The following MARCHF1 variants were observed in gnomAD, a reference collection of about 807,000 sequenced individuals.
MARCHF1 encodes E3 ubiquitin-protein ligase MARCHF1.
MARCHF1 carries 40 observed loss-of-function variants against 54.2 expected under a neutral mutation model. That is an observed-to-expected ratio of 0.74 (90% CI 0.57 to 0.96). The LOEUF (loss-of-function observed/expected upper bound fraction) is 0.96, where lower values mean the gene tolerates loss of function less well. Ranked by LOEUF, MARCHF1 falls within the 40% of genes least tolerant of loss-of-function variation. The probability of loss-of-function intolerance (pLI) is 0.00; values close to 1 mark genes in which losing one functional copy is unlikely to be tolerated. For synonymous variants in MARCHF1, 236 were observed against 236.3 expected, an observed-to-expected ratio of 1.00 and a Z score of 0.01; for missense variants, 586 against 656.5, an observed-to-expected ratio of 0.89 and a Z score of 1.17.
intron 1 of MARCHF1, among the ~76,000 whole-genome samples, chr4:164,379,158 G>A (rs775855788): frequency 5.0e-4 from 76 of 152,108 alleles, no homozygotes; most frequent in South Asian, 1.9e-3. Flanking sequence ...AAGAAAAGAT[G>A]GAGAAAACAG....
intron 3 of MARCHF1, among the ~76,000 whole-genome samples, chr4:163,904,693 C>T (rs953059722): frequency 6.6e-6 from 1 of 152,020 alleles, no homozygotes; most frequent in Admixed American, 6.6e-5. Context: ...ATGAATAGGT[C>T]CCACTCTCTA....
chr4:164,119,839 T>C (rs1055668907), intron 1 of MARCHF1, among the ~76,000 whole-genome samples: 1 of 151,698 alleles, frequency 6.6e-6, no homozygotes, highest in Non-Finnish European at 1.5e-5. Context: ...AAAAAGAAAA[T>C]ATAAAAAGTT....
At chr4:163,721,831 T>C (rs1339575058) in intron 4 of MARCHF1, among the ~76,000 whole-genome samples, 1 of 152,148 alleles carries the variant, frequency 6.6e-6, no homozygotes, top group Non-Finnish European at 1.5e-5. Context: ...GTGTTTGTGG[T>C]ATTCTCTGAC....
rs549385876 is a variant in MARCHF1 at position 164,283,747 on chromosome 4, C to T, written c.-323+100123G>A. Among the ~76,000 whole-genome samples the T allele has an allele frequency of 1.4e-4, 21 of 150,878 alleles. 1 individual carries two copies. The highest frequency in any genetic ancestry group is 4.4e-4 in the African/African-American group (18 of 41,172). The stretch of plus-strand genomic sequence containing the variant: ...TACCAACAGAGTCATTAAACAATCT[C>T]GCCAAAGAAAAACCAAGATAGTAGA... On this transcript the variant is annotated intron_variant, in intron 1 of 9. Coordinates refer to ENST00000514618, the MANE Select transcript of MARCHF1 (RefSeq NM_001394959.1).
intron 1 of MARCHF1, among the ~76,000 whole-genome samples, chr4:164,245,663 C>T (rs1732926648): frequency 1.3e-5 from 2 of 151,818 alleles, no homozygotes; most frequent in Non-Finnish European, 2.9e-5. Context: ...TCAAATTGTC[C>T]CTCTTTGCAG....
At chr4:164,039,631 C>T (rs1227300743) in intron 2 of MARCHF1, among the ~76,000 whole-genome samples, 1 of 151,980 alleles carries the variant, frequency 6.6e-6, no homozygotes, top group Non-Finnish European at 1.5e-5. Flanking sequence ...CCATTATTCA[C>T]TAGAAAGACA....
chr4:163,727,847 G>A (rs182986953), intron 4 of MARCHF1, among the ~76,000 whole-genome samples: 1 of 151,560 alleles, frequency 6.6e-6, no homozygotes, highest in Admixed American at 6.6e-5. Flanking sequence ...TATTTTTATT[G>A]TTTTATTTTT....
chr4:163,920,255 C>A (rs1013768775), intron 3 of MARCHF1, among the ~76,000 whole-genome samples: 4 of 152,228 alleles, frequency 2.6e-5, no homozygotes, highest in Admixed American at 6.5e-5. Context: ...ATCCCCTATT[C>A]CAGCTGGAAA....
chr4:164,351,723 C>T (rs935232308), intron 1 of MARCHF1, among the ~76,000 whole-genome samples: 33 of 152,160 alleles, frequency 2.2e-4, no homozygotes, highest in African/African-American at 6.3e-4. Context: ...TCCAAAGGAA[C>T]GCAGTTTCTC....
At chr4:164,043,546 T>G (rs939722976) in intron 2 of MARCHF1, among the ~76,000 whole-genome samples, 1 of 152,118 alleles carries the variant, frequency 6.6e-6, no homozygotes, top group Non-Finnish European at 1.5e-5. Flanking sequence ...TTCCTAGGCC[T>G]CTAAATCTGT....
At chr4:164,374,473 T>C (rs776693227) in intron 1 of MARCHF1, among the ~76,000 whole-genome samples, 2 of 152,162 alleles carry the variant, frequency 1.3e-5, no homozygotes, top group Non-Finnish European at 2.9e-5. Context: ...GGGTAATGTA[T>C]GTTTCAAAAA....
chr4:164,047,126 C>T (rs77112497), intron 2 of MARCHF1, among the ~76,000 whole-genome samples: 17,615 of 152,148 alleles, frequency 0.12, 1,228 homozygotes, highest in Middle Eastern at 0.19. Flanking sequence ...TTCTAAAACA[C>T]TGTTTTGATC....
chr4:163,887,384 C>T (rs188678849), intron 3 of MARCHF1, among the ~76,000 whole-genome samples: 172 of 152,040 alleles, frequency 1.1e-3, no homozygotes, highest in African/African-American at 4.0e-3. Flanking sequence ...AGTAAATGTC[C>T]TGAACTGGCA....
At chr4:163,861,277 G>A (rs983657803) in intron 3 of MARCHF1, among the ~76,000 whole-genome samples, 2 of 152,086 alleles carry the variant, frequency 1.3e-5, no homozygotes, top group Admixed American at 6.6e-5. Flanking sequence ...ACAAAGAATG[G>A]AGAAAAGAAA....
chr4:164,109,933 A>AAAAAAAAAAAAAAAAAAAT (rs1755798807), intron 2 of MARCHF1, among the ~76,000 whole-genome samples: 1 of 149,980 alleles, frequency 6.7e-6, no homozygotes, highest in Non-Finnish European at 1.5e-5. Flanking sequence ...AAAAAAAAAA[A>AAAAAAAAAAAAAAAAAAAT]AAAGAAAATG....
At chr4:163,977,828 C>A (rs1427071693) in intron 3 of MARCHF1, among the ~76,000 whole-genome samples, 1 of 152,152 alleles carries the variant, frequency 6.6e-6, no homozygotes. Flanking sequence ...TAAATATAAA[C>A]TTTCAACGAA....
chr4:164,141,963 C>CGCAGGTCAGTGGGTGGGT (rs1560923736), intron 1 of MARCHF1, among the ~76,000 whole-genome samples: 1 of 152,046 alleles, frequency 6.6e-6, no homozygotes, highest in East Asian at 1.9e-4. Context: ...AGTGGGTGGG[C>CGCAGGTCAGTGGGTGGGT]GCACCGTGAG....
chr4:163,730,413 T>C (rs1219042053), intron 4 of MARCHF1, among the ~76,000 whole-genome samples: 1 of 152,168 alleles, frequency 6.6e-6, no homozygotes, highest in Non-Finnish European at 1.5e-5. Flanking sequence ...TCTTATGGTT[T>C]GTTTTTTCTT....
intron 4 of MARCHF1, among the ~76,000 whole-genome samples, chr4:163,786,000 A>G (rs1747608147): frequency 6.6e-6 from 1 of 152,016 alleles, no homozygotes. Context: ...ATGCTATGAT[A>G]CTGACATTGA....
Sources: allele counts gnomAD v4.1 joint callset (sites outside exome capture counted in the v4.1 genomes callset), GRCh38; gene constraint gnomAD v4.1.1; transcripts MANE v1.5; gene names NCBI Gene and HGNC (gene_info 2026-07-23, HGNC 2026-07-21).